TMEM131L: variants seen among roughly 807,000 people sequenced by gnomAD.
TMEM131L encodes the protein transmembrane 131 like.
In TMEM131L, 54 loss-of-function variants were observed where a neutral mutation model predicts 192.2. That is an observed-to-expected ratio of 0.28 (90% CI 0.23 to 0.35). The LOEUF is 0.35. TMEM131L is among the 10% of genes least tolerant of loss of function. TMEM131L has a pLI of 1.00. For synonymous variants in TMEM131L, 701 were observed against 704.9 expected (o/e 0.99, Z 0.09); for missense variants, 1,888 against 1,972.9 (o/e 0.96, Z 0.82).
At chr4:153,608,946 G>C (rs150150911) in intron 25 of TMEM131L, among the ~76,000 whole-genome samples, 1 of 152,082 alleles carries the variant, frequency 6.6e-6, no homozygotes. Flanking sequence ...CATTACCACC[G>C]TGAAGGGCAT....
At chr4:153,508,260 T>C (rs1734117623) in intron 3 of TMEM131L, among the ~76,000 whole-genome samples, 2 of 152,196 alleles carry the variant, frequency 1.3e-5, no homozygotes, top group Non-Finnish European at 2.9e-5. Context: ...CAACTCTATG[T>C]TGTGTTTACT....
intron 14 of TMEM131L, 85 bp downstream of exon 14, chr4:153,586,464 A>G (rs1730707852): frequency 3.1e-5 from 31 of 1,014,734 alleles, no homozygotes; most frequent in Non-Finnish European, 4.2e-5. Context: ...AGTTTTATTA[A>G]CTGGGTTAAG....
In TMEM131L at chr4:153,554,937, A is replaced by C. The variant is rs147373511; in HGVS notation, c.309-850A>C. Among the ~76,000 whole-genome samples, 28 of 152,270 alleles carry C rather than the reference A, an allele frequency of 1.8e-4. No homozygotes were observed. The East Asian group carries it at 5.0e-3, about 27-fold the overall frequency. ...CAGAGCCGAGACATTGGAGGTGGAG[A>C]GTGCTGCTGAAAAGAATGGGTATCA... is the stretch of plus-strand genomic sequence containing the variant. On this transcript the variant is annotated intron_variant, in intron 4 of 34. Transcript: ENST00000409959.
At chr4:153,550,532 T>TA (rs1737536145) in intron 4 of TMEM131L, among the ~76,000 whole-genome samples, 1 of 152,192 alleles carries the variant, frequency 6.6e-6, no homozygotes, top group Non-Finnish European at 1.5e-5. Context: ...TTCACCGTGT[T>TA]CGCCAGGATG....
intron 12 of TMEM131L, 147 bp downstream of exon 12, chr4:153,585,078 G>T: frequency 1.5e-6 from 1 of 655,336 alleles, no homozygotes. Context: ...TTGCTAACAG[G>T]CAGTGAAAGG....
rs1270886040 is a variant in TMEM131L, at chr4:153,466,425, G to A, written c.28G>A (p.Gly10Ser). 2.9e-6 allele frequency: 4 copies of A among 1,388,694 alleles called. No homozygotes were observed. Among genetic ancestry groups the A allele is most frequent in the African/African-American group, 1.5e-5 (1 of 67,504 alleles). The allele number at this position is 1,388,694 out of a possible 1,614,324, so 86.0% of individuals were successfully genotyped here. Residue 10 changes from glycine (G) to serine (S), a missense_variant, in exon 1 of 35, where the codon GGC (glycine) becomes AGC (serine). Coordinates refer to ENST00000409959, the MANE Select transcript of TMEM131L (RefSeq NM_001131007.2). ...GGCGGGGCTCCGACGCCCGCAGCCC[G>A]GCTGCTACTGCCGCACCGCGGCGGC... is the stretch of plus-strand genomic sequence containing the variant. MAGLRRPQP[G>S]CYCRTAAAVN...
At chr4:153,505,912 A>G (rs1733953433) in intron 3 of TMEM131L, among the ~76,000 whole-genome samples, 1 of 152,052 alleles carries the variant, frequency 6.6e-6, no homozygotes, top group Non-Finnish European at 1.5e-5. Context: ...TGGCCAGAGC[A>G]GGGGGCTTGT....
chr4:153,490,077 C>G (rs1446657353), intron 3 of TMEM131L, among the ~76,000 whole-genome samples: 1 of 152,128 alleles, frequency 6.6e-6, no homozygotes, highest in African/African-American at 2.4e-5. Flanking sequence ...ATGCTTGAAT[C>G]ATAGATGAGT....
chr4:153,526,654 C>T (rs1340019975), intron 3 of TMEM131L, among the ~76,000 whole-genome samples: 3 of 151,766 alleles, frequency 2.0e-5, no homozygotes, highest in African/African-American at 4.8e-5. Context: ...AGGAGAATGG[C>T]GTGAACCCGG....
intron 3 of TMEM131L, among the ~76,000 whole-genome samples, chr4:153,549,704 G>A (rs890604284): frequency 1.3e-5 from 2 of 152,166 alleles, no homozygotes; most frequent in African/African-American, 4.8e-5. Flanking sequence ...CAAAGTCAGA[G>A]GCCACAGTCC....
intron 3 of TMEM131L, among the ~76,000 whole-genome samples, chr4:153,505,114 T>C (rs1356601760): frequency 6.6e-6 from 1 of 151,340 alleles, no homozygotes; most frequent in Non-Finnish European, 1.5e-5. Flanking sequence ...TCTTTCTTTT[T>C]TTTTTTTTTT....
At position 153,598,714 on chromosome 4, in the gene TMEM131L, C is replaced by T; in HGVS notation, c.2248C>T (p.Leu750=). 1 of 1,613,320 alleles carries T rather than the reference C, an allele frequency of 6.2e-7. No individual in the cohort carries two copies. The highest frequency in any genetic ancestry group is 1.1e-5 in the South Asian group (1 of 91,018). ...SLRFKVPEST[L]MDCRRQLKDS... is the part of the protein sequence containing the mutation. The stretch of plus-strand genomic sequence containing the variant: ...CCGATTTAAGGTGCCCGAGTCCACG[C>T]TGATGGACTGCCGTAGACGTGAGTT... The change falls in exon 21 of 35, where the codon CTG becomes TTG. Residue 750 remains leucine (L), a synonymous_variant. Transcript: ENST00000409959.
chr4:153,504,251 G>A (rs1733817153), intron 3 of TMEM131L, among the ~76,000 whole-genome samples: 1 of 142,980 alleles, frequency 7.0e-6, no homozygotes. Context: ...ACGGGCGTGA[G>A]CCACCGCGGT....
intron 3 of TMEM131L, among the ~76,000 whole-genome samples, chr4:153,531,408 C>G (rs1458938838): frequency 1.3e-5 from 2 of 152,216 alleles, no homozygotes; most frequent in African/African-American, 4.8e-5. Flanking sequence ...GATTCCACTA[C>G]AGAGGATATA....
chr4:153,560,894 A>C (rs1366624500), intron 7 of TMEM131L, among the ~76,000 whole-genome samples: 1 of 152,176 alleles, frequency 6.6e-6, no homozygotes, highest in Non-Finnish European at 1.5e-5. Context: ...TCTTAGGTGT[A>C]TATTTAGGAG....
At chr4:153,589,101 C>G (rs1659283092) in intron 16 of TMEM131L, 94 bp downstream of exon 16, 1 of 692,904 alleles carries the variant, frequency 1.4e-6, no homozygotes, top group Admixed American at 2.2e-5. Flanking sequence ...TAAGACCCCC[C>G]TCTCACCCCA....
At chr4:153,576,346 G>A (rs1729939605) in intron 7 of TMEM131L, among the ~76,000 whole-genome samples, 1 of 152,180 alleles carries the variant, frequency 6.6e-6, no homozygotes, top group African/African-American at 2.4e-5. Flanking sequence ...CAGTTTGGAG[G>A]TGCTAGAACT....
At chr4:153,469,451 C>G (rs557432011) in intron 2 of TMEM131L, among the ~76,000 whole-genome samples, 1 of 152,214 alleles carries the variant, frequency 6.6e-6, no homozygotes, top group Admixed American at 6.5e-5. Context: ...AAAATTCCCT[C>G]ATATGTGTCA....
At chr4:153,530,846 C>G (rs1296900677) in intron 3 of TMEM131L, among the ~76,000 whole-genome samples, 1 of 152,140 alleles carries the variant, frequency 6.6e-6, no homozygotes, top group Non-Finnish European at 1.5e-5. Flanking sequence ...GGCAGAGGCA[C>G]CAGCACCCCT....
Sources: gnomAD v4.1 joint callset for allele counts (sites outside exome capture counted in the v4.1 genomes callset) on GRCh38, gnomAD v4.1.1 for gene constraint, MANE v1.5 for transcripts, NCBI Gene and HGNC (gene_info 2026-07-23, HGNC 2026-07-21) for gene names.